The following UNC80 variants were observed in gnomAD, a reference collection of about 807,000 sequenced individuals.
The protein encoded by UNC80 is protein unc-80 homolog.
A neutral mutation model predicts 384.6 loss-of-function variants in UNC80; 164 were observed. That is an observed-to-expected ratio of 0.43 (90% confidence interval 0.38 to 0.49). The LOEUF (loss-of-function observed/expected upper bound fraction) is 0.49. Ranked by LOEUF, UNC80 falls within the 20% of genes least tolerant of loss-of-function variation. The pLI is 0.00. For synonymous variants in UNC80, 1,486 were observed against 1,527.8 expected (o/e 0.97, Z 0.64); for missense variants, 3,330 against 4,143.0 (o/e 0.80, Z 5.39).
At chr2:209,885,650 G>T (rs1045891822) in intron 25 of UNC80, among the ~76,000 whole-genome samples, 3 of 151,632 alleles carry the variant, frequency 2.0e-5, no homozygotes, top group Non-Finnish European at 4.4e-5. Context: ...ATTCCATGTA[G>T]TTCCTATATT....
In UNC80 at chr2:209,954,394, A is replaced by G. The variant is rs1317298916; in HGVS notation, c.7457+124A>G. The G allele has an allele frequency of 5.1e-6, 5 of 979,080 alleles. No individual in the cohort carries two copies. The East Asian group carries it at 1.4e-4, about 27-fold the overall frequency. The allele number at this position is 979,080 out of a possible 1,614,324, so 60.6% of individuals were successfully genotyped here. ...CAATCTTTATTTACAGATACCTCCT[A>G]AACTCAGCCCTTTATGCCTTATAAC... On this transcript the variant is annotated intron_variant, in intron 48 of 64. Coordinates refer to ENST00000673920, the MANE Select transcript of UNC80 (RefSeq NM_001371986.1).
chr2:209,787,643 A>G (rs1284168571), intron 5 of UNC80, among the ~76,000 whole-genome samples: 1 of 152,192 alleles, frequency 6.6e-6, no homozygotes. Context: ...AGTGCAAGGC[A>G]TTACTCATGT....
intron 2 of UNC80, among the ~76,000 whole-genome samples, chr2:209,773,919 C>T (rs1470032856): frequency 6.6e-6 from 1 of 152,124 alleles, no homozygotes; most frequent in African/African-American, 2.4e-5. Context: ...AATCTTATAT[C>T]CCTACAAATT....
At chr2:209,988,500 G>C (rs1481616460) in intron 61 of UNC80, among the ~76,000 whole-genome samples, 1 of 151,998 alleles carries the variant, frequency 6.6e-6, no homozygotes, top group African/African-American at 2.4e-5. Context: ...TATTTATAAA[G>C]TGCATCCTTT....
At chr2:209,799,183 A>T (rs926401338) in intron 7 of UNC80, among the ~76,000 whole-genome samples, 5 of 151,746 alleles carry the variant, frequency 3.3e-5, no homozygotes, top group Non-Finnish European at 7.4e-5. Flanking sequence ...CCATTTTCAC[A>T]ATATTGATTC....
At chr2:209,992,112 G>A in intron 61 of UNC80, 54 bp from the exon 62 acceptor site, 7 of 1,470,664 alleles carry the variant, frequency 4.8e-6, no homozygotes, top group Non-Finnish European at 6.5e-6. Context: ...ACCCACCAGA[G>A]GACAGTCTCC....
At chr2:209,953,885 A>C (rs531853869) in intron 47 of UNC80, among the ~76,000 whole-genome samples, 1 of 152,206 alleles carries the variant, frequency 6.6e-6, no homozygotes, top group African/African-American at 2.4e-5. Flanking sequence ...TGTTTCCTTA[A>C]GGCAAGATTC....
chr2:209,818,022 T>C lies in UNC80; in HGVS notation c.1693+70T>C. The C allele has an allele frequency of 2.7e-6, 4 of 1,502,968 alleles. No individual in the cohort carries two copies. In the South Asian group the frequency reaches 3.8e-5, roughly 14 times the overall value. 93.1% of individuals were successfully genotyped at this position (1,502,968 alleles called of 1,614,324 possible). On this transcript the variant is annotated intron_variant, in intron 11 of 64. Coordinates refer to ENST00000673920, the MANE Select transcript of UNC80 (RefSeq NM_001371986.1). ...TTTTGTTTTCTGTCCTTACACCATG[T>C]TACTTTCCCATTGTAATCCGCTTCC...
intron 47 of UNC80, among the ~76,000 whole-genome samples, chr2:209,947,065 A>C (rs183686082): frequency 6.6e-6 from 1 of 152,246 alleles, no homozygotes; most frequent in East Asian, 1.9e-4. Flanking sequence ...CAGGAGAACA[A>C]AGCTGCAGGA....
chr2:209,826,502 G>A (rs1035601277), intron 14 of UNC80, among the ~76,000 whole-genome samples: 1 of 152,110 alleles, frequency 6.6e-6, no homozygotes, highest in Admixed American at 6.6e-5. Context: ...ATGGAAAATG[G>A]CCCTTATTGG....
In UNC80 at chr2:209,940,152, C is replaced by G; in HGVS notation, c.6646+500C>G. Among the ~76,000 whole-genome samples, 2 of 152,028 alleles carry G rather than the reference C, an allele frequency of 1.3e-5. 1 individual carries two copies. Among genetic ancestry groups the G allele is most frequent in the Non-Finnish European group, 2.9e-5 (2 of 68,008 alleles). On this transcript the variant is annotated intron_variant, in intron 43 of 64. Coordinates refer to ENST00000673920, the MANE Select transcript of UNC80 (RefSeq NM_001371986.1). Reference sequence around the variant, plus strand: ...ATGGTGTTGTTAGGGTATGAGAATACTTGACTAAACAAAGACCGGGTATTT... The same window carrying G: ...ATGGTGTTGTTAGGGTATGAGAATAGTTGACTAAACAAAGACCGGGTATTT...
At chr2:209,838,578 A>T (rs10195486) in intron 18 of UNC80, among the ~76,000 whole-genome samples, 12,719 of 151,944 alleles carry the variant, frequency 0.084, 1,739 homozygotes, top group African/African-American at 0.29. Context: ...TTTTTTTAAG[A>T]GTATTTGGTG....
intron 26 of UNC80, among the ~76,000 whole-genome samples, chr2:209,891,205 C>T (rs769741321): frequency 1.3e-5 from 2 of 152,032 alleles, no homozygotes; most frequent in Non-Finnish European, 2.9e-5. Flanking sequence ...AAGATCAAAA[C>T]GTTTTCACAA....
chr2:209,904,979 C>G lies in UNC80; in HGVS notation c.4782+14C>G. 1 of 1,550,692 alleles carries G rather than the reference C, an allele frequency of 6.4e-7. No homozygotes were observed. The highest frequency in any genetic ancestry group is 1.2e-5 in the South Asian group (1 of 83,988). ...AAACAGAAAGAAGTAAGTAAATGAC[C>G]ATTGAATGATATTCTAATACTAGAA... On this transcript the variant is annotated intron_variant, in intron 29 of 64. Coordinates refer to ENST00000673920, the MANE Select transcript of UNC80 (RefSeq NM_001371986.1).
At chr2:209,939,085 G>A (rs2091450834) in intron 42 of UNC80, among the ~76,000 whole-genome samples, 1 of 152,150 alleles carries the variant, frequency 6.6e-6, no homozygotes, top group South Asian at 2.1e-4. Context: ...CCAGGAAACA[G>A]CTTCAGGCAT....
In UNC80 at chr2:209,772,015, G is replaced by A. The variant is rs1331217533; in HGVS notation, c.-58G>A. The A allele has an allele frequency of 2.3e-6, 3 of 1,313,922 alleles. No individual in the cohort carries two copies. Among genetic ancestry groups the A allele is most frequent in the Non-Finnish European group, 2.1e-6 (2 of 933,942 alleles). 81.4% of individuals were successfully genotyped at this position (1,313,922 alleles called of 1,614,324 possible). ...GGGAGCAGCGGGAGGAGGCGGCGGCGGCGGCTAGCGAGGAGACAGAGCTGG... is the reference window on the plus strand; with the variant it reads ...GGGAGCAGCGGGAGGAGGCGGCGGCAGCGGCTAGCGAGGAGACAGAGCTGG... On this transcript the variant is annotated 5_prime_UTR_variant, in exon 1 of 65. Transcript: ENST00000673920.
chr2:209,926,415 C>T (rs1309486970), intron 35 of UNC80, among the ~76,000 whole-genome samples: 1 of 152,166 alleles, frequency 6.6e-6, no homozygotes, highest in African/African-American at 2.4e-5. Context: ...AAGATGTTGG[C>T]ATTTTCTCAT....
At chr2:209,901,152 C>A (rs149598878) in intron 28 of UNC80, among the ~76,000 whole-genome samples, 174 of 152,214 alleles carry the variant, frequency 1.1e-3, no homozygotes, top group Middle Eastern at 6.8e-3. Flanking sequence ...GTAGAAGAGC[C>A]TTTTGTTAGA....
At chr2:209,968,756 T>C (rs2092802985) in intron 52 of UNC80, 1 of 152,204 alleles carries the variant, frequency 6.6e-6, no homozygotes, top group Non-Finnish European at 1.5e-5. Flanking sequence ...AAATACTTCA[T>C]ATCTAAAGAC....
Sources: allele counts gnomAD v4.1 joint callset (sites outside exome capture counted in the v4.1 genomes callset), GRCh38; gene constraint gnomAD v4.1.1; transcripts MANE v1.5; gene names NCBI Gene and HGNC (gene_info 2026-07-23, HGNC 2026-07-21).